Variants in PEPD observed in about 807,000 individuals in gnomAD.
PEPD encodes xaa-Pro dipeptidase.
Under a neutral mutation model 60.7 loss-of-function variants are expected in PEPD, and 53 were observed. The observed-to-expected ratio is 0.87, with a 90% CI of 0.70 to 1.10. The LOEUF (loss-of-function observed/expected upper bound fraction) is 1.10. Among genes scored for constraint, PEPD ranks in the 50% least tolerant of loss-of-function variants. PEPD has a pLI of 0.00. For synonymous variants in PEPD, 267 were observed against 284.1 expected, an observed-to-expected ratio of 0.94 and a Z score of 0.60; for missense variants, 711 against 711.9, an observed-to-expected ratio of 1.00 and a Z score of 0.01.
chr19:33,499,030 A>T (rs1032843592), intron 4 of PEPD, among the ~76,000 whole-genome samples: 7 of 152,286 alleles, frequency 4.6e-5, no homozygotes, highest in South Asian at 4.1e-4. Flanking sequence ...TGCCAAGGAG[A>T]GGGTCGGAAG....
chr19:33,430,098 G>C (rs1457534353), intron 9 of PEPD, among the ~76,000 whole-genome samples: 1 of 152,112 alleles, frequency 6.6e-6, no homozygotes, highest in East Asian at 1.9e-4. Context: ...TGTCTACTGT[G>C]GGGTCTCTAT....
At position 33,412,615 on chromosome 19, in the gene PEPD, C is replaced by G. The variant is rs10418311; in HGVS notation, c.741-866G>C. 9.5e-3 allele frequency among the ~76,000 whole-genome samples: 1,441 copies of G among 152,358 alleles called. 34 individuals carry two copies. Among genetic ancestry groups the G allele is most frequent in the African/African-American group, 0.033 (1,371 of 41,586 alleles). ...AGTCTGTCCAAAGGGGGGAAGGAAA[C>G]CCCCACCTGGGTGTAATATTTATGG... On this transcript the variant is annotated intron_variant, in intron 10 of 14. Coordinates refer to ENST00000244137, the MANE Select transcript of PEPD (RefSeq NM_000285.4).
chr19:33,395,990 A>T (rs765263418), intron 12 of PEPD: 3 of 152,398 alleles, frequency 2.0e-5, no homozygotes, highest in Non-Finnish European at 4.4e-5. Context: ...CCTGCGTGAG[A>T]GCAGGGTGCT....
intron 3 of PEPD, among the ~76,000 whole-genome samples, chr19:33,502,887 C>A (rs1001305744): frequency 7.8e-6 from 1 of 128,676 alleles, no homozygotes; most frequent in Admixed American, 1.1e-4. Context: ...TTGTCCAATT[C>A]TTTGTTCAAA....
chr19:33,517,544 G>A (rs1478786591), intron 1 of PEPD, among the ~76,000 whole-genome samples: 4 of 151,086 alleles, frequency 2.6e-5, no homozygotes, highest in Non-Finnish European at 1.5e-5. Flanking sequence ...GGGTGAAAGA[G>A]CAAGACTCCG....
At chr19:33,481,153 C>T (rs908587332) in intron 6 of PEPD, among the ~76,000 whole-genome samples, 6 of 152,160 alleles carry the variant, frequency 3.9e-5, no homozygotes, top group Admixed American at 2.6e-4. Context: ...GAAATTACTA[C>T]TGACTTTACA....
intron 9 of PEPD, among the ~76,000 whole-genome samples, chr19:33,430,163 A>C (rs1201939776): frequency 1.3e-5 from 2 of 152,220 alleles, no homozygotes; most frequent in African/African-American, 4.8e-5. Flanking sequence ...ATTAAATGAG[A>C]ACATCCCCGG....
At chr19:33,427,821 C>T (rs8105703) in intron 9 of PEPD, among the ~76,000 whole-genome samples, 6,675 of 152,194 alleles carry the variant, frequency 0.044, 514 homozygotes, top group African/African-American at 0.15. Flanking sequence ...CTTTGCCTAT[C>T]GATGCAAAGT....
intron 3 of PEPD, among the ~76,000 whole-genome samples, chr19:33,508,821 T>C (rs1016806867): frequency 1.3e-5 from 2 of 152,152 alleles, no homozygotes; most frequent in African/African-American, 2.4e-5. Context: ...ACAGCGAGTG[T>C]CCAGAAACAC....
At chr19:33,506,444 AAC>A (rs1491427274) in intron 3 of PEPD, among the ~76,000 whole-genome samples, 6 of 142,282 alleles carry the variant, frequency 4.2e-5, no homozygotes, top group African/African-American at 1.1e-4. Flanking sequence ...ACCCACACAC[AAC>A]ACACTCACAC....
chr19:33,402,101 G>GGCTC (rs1397235564), intron 11 of PEPD, among the ~76,000 whole-genome samples: 4 of 152,214 alleles, frequency 2.6e-5, no homozygotes, highest in African/African-American at 7.2e-5. Flanking sequence ...GGGAAAAAGG[G>GGCTC]ACTCAGGGCT....
rs572302640 is a variant in PEPD at position 33,455,053 on chromosome 19, T to C, written c.671+7942A>G. On this transcript the variant is annotated intron_variant, in intron 9 of 14. Transcript: ENST00000244137. ...GAAACTGTCACAGCCCAGAGGAGGC[T>C]AAGGAGATGTGACAATGGAACGTGA... is the stretch of plus-strand genomic sequence containing the variant. Among the ~76,000 whole-genome samples the C allele has an allele frequency of 2.0e-5, 3 of 152,270 alleles. No individual in the cohort carries two copies. The South Asian group carries it at 6.2e-4, about 32-fold the overall frequency.
At chr19:33,458,819 T>C (rs1969873627) in intron 9 of PEPD, among the ~76,000 whole-genome samples, 2 of 262 alleles carry the variant, frequency 7.6e-3, no homozygotes, top group Non-Finnish European at 0.017. Flanking sequence ...GTGTGGTGTA[T>C]GTGGAGTGCG....
At chr19:33,451,776 A>G (rs988055838) in intron 9 of PEPD, among the ~76,000 whole-genome samples, 1 of 152,260 alleles carries the variant, frequency 6.6e-6, no homozygotes, top group African/African-American at 2.4e-5. Flanking sequence ...GTCAGATTCA[A>G]GACATAGATT....
chr19:33,456,980 A>G (rs1365239018), intron 9 of PEPD, among the ~76,000 whole-genome samples: 1 of 151,338 alleles, frequency 6.6e-6, no homozygotes, highest in Non-Finnish European at 1.5e-5. Flanking sequence ...GAGGGGCCCC[A>G]GCCCTGGTCA....
At chr19:33,408,157 A>G (rs1350500215) in intron 11 of PEPD, among the ~76,000 whole-genome samples, 5 of 152,224 alleles carry the variant, frequency 3.3e-5, no homozygotes, top group Non-Finnish European at 7.3e-5. Flanking sequence ...CGCTTGATGT[A>G]CGCATCATGG....
chr19:33,394,067 G>A (rs977589944), intron 12 of PEPD, among the ~76,000 whole-genome samples: 3 of 152,242 alleles, frequency 2.0e-5, no homozygotes, highest in African/African-American at 7.2e-5. Context: ...TCACTCCGAG[G>A]GTGGGGGTCT....
intron 9 of PEPD, among the ~76,000 whole-genome samples, chr19:33,439,365 G>A (rs770750675): frequency 1.3e-5 from 2 of 152,232 alleles, no homozygotes; most frequent in Non-Finnish European, 2.9e-5. Flanking sequence ...AGGACCCTGA[G>A]GAGCAGCACC....
chr19:33,493,397 A>G (rs925774219), intron 4 of PEPD, 60 bp from the exon 5 acceptor site: 26 of 1,115,930 alleles, frequency 2.3e-5, no homozygotes, highest in Non-Finnish European at 3.4e-5. Context: ...TGAAGATGAC[A>G]TGCCACCATT....
Sources: gnomAD v4.1 joint callset for allele counts (sites outside exome capture counted in the v4.1 genomes callset) on GRCh38, gnomAD v4.1.1 for gene constraint, MANE v1.5 for transcripts, NCBI Gene and HGNC (gene_info 2026-07-23, HGNC 2026-07-21) for gene names.